The following SNTG1 variants were observed in gnomAD, a reference collection of about 807,000 sequenced individuals.
SNTG1 encodes syntrophin gamma 1, also known as gamma-1-syntrophin.
A neutral mutation model predicts 74.7 loss-of-function variants in SNTG1; 39 were observed. The observed-to-expected ratio is 0.52, with a 90% CI of 0.40 to 0.68. The LOEUF (loss-of-function observed/expected upper bound fraction) is 0.68, where lower values mean the gene tolerates loss of function less well. SNTG1 is among the 30% of genes least tolerant of loss of function. The pLI, the probability that SNTG1 is intolerant of heterozygous loss-of-function variation, is 0.00. For missense variants in SNTG1, 685 were observed against 609.5 expected (o/e 1.12, Z -1.30); for synonymous variants, 254 against 217.1 (o/e 1.17, Z -1.49).
At chr8:50,462,795 T>A (rs1340819524) in intron 8 of SNTG1, among the ~76,000 whole-genome samples, 1 of 22,538 alleles carries the variant, frequency 4.4e-5, no homozygotes, top group East Asian at 2.2e-3. Context: ...CAGGTTCTAC[T>A]CTTTTTTTTT....
chr8:50,493,742 T>C (rs914127114), intron 8 of SNTG1, among the ~76,000 whole-genome samples: 2 of 150,566 alleles, frequency 1.3e-5, no homozygotes, highest in Non-Finnish European at 3.0e-5. Flanking sequence ...TTTATATATA[T>C]AATATTTTTT....
intron 18 of SNTG1, chr8:50,762,476 G>A (rs1184968506): frequency 1.2e-5 from 4 of 342,548 alleles, no homozygotes; most frequent in Non-Finnish European, 2.3e-5. Context: ...AATAAATAAG[G>A]CAGTGGCCAA....
intron 15 of SNTG1, among the ~76,000 whole-genome samples, chr8:50,659,132 T>C (rs1452134999): frequency 6.6e-6 from 1 of 152,190 alleles, no homozygotes; most frequent in Non-Finnish European, 1.5e-5. Context: ...CTTAATCTCA[T>C]GGCTTGACCA....
At chr8:50,305,867 G>A (rs1476042346) in intron 2 of SNTG1, among the ~76,000 whole-genome samples, 1 of 150,334 alleles carries the variant, frequency 6.7e-6, no homozygotes, top group African/African-American at 2.4e-5. Context: ...CACCAACATT[G>A]CCAAAAGTTA....
intron 4 of SNTG1, among the ~76,000 whole-genome samples, chr8:50,402,789 G>T: frequency 6.6e-6 from 1 of 152,146 alleles, no homozygotes; most frequent in East Asian, 1.9e-4. Flanking sequence ...AGCGTGAGTG[G>T]TGTTCCCCTA....
intron 1 of SNTG1, among the ~76,000 whole-genome samples, chr8:50,038,712 T>G (rs1383464135): frequency 1.3e-5 from 2 of 152,284 alleles, no homozygotes; most frequent in East Asian, 1.9e-4. Context: ...AAAATCCTAA[T>G]GACCAAAAGA....
intron 1 of SNTG1, among the ~76,000 whole-genome samples, chr8:49,974,603 C>G (rs1342858206): frequency 6.6e-6 from 1 of 152,090 alleles, no homozygotes; most frequent in Non-Finnish European, 1.5e-5. Flanking sequence ...ATAGTCCTCA[C>G]GTGCCAGATC....
At chr8:50,578,628 G>T (rs1318115040) in intron 12 of SNTG1, among the ~76,000 whole-genome samples, 2 of 152,170 alleles carry the variant, frequency 1.3e-5, no homozygotes, top group Non-Finnish European at 2.9e-5. Flanking sequence ...AATGGGGGTA[G>T]TTACCCTCAT....
intron 4 of SNTG1, among the ~76,000 whole-genome samples, chr8:50,410,418 A>G (rs1004118341): frequency 2.0e-5 from 3 of 152,196 alleles, no homozygotes; most frequent in African/African-American, 7.2e-5. Flanking sequence ...CTTGTATGCC[A>G]ATGTTATCAT....
chr8:50,400,336 T>C (rs557716600), intron 3 of SNTG1, among the ~76,000 whole-genome samples: 2 of 152,232 alleles, frequency 1.3e-5, no homozygotes, highest in East Asian at 1.9e-4. Flanking sequence ...GCAAGTTAAA[T>C]AATTTTATTC....
At chr8:50,094,298 C>G (rs565458461) in intron 1 of SNTG1, among the ~76,000 whole-genome samples, 45 of 152,068 alleles carry the variant, frequency 3.0e-4, no homozygotes, top group Middle Eastern at 3.2e-3. Context: ...GGAAGGCTTA[C>G]TTATTTACAA....
chr8:49,934,780 T>C (rs747963879), intron 1 of SNTG1, among the ~76,000 whole-genome samples: 1 of 152,194 alleles, frequency 6.6e-6, no homozygotes, highest in African/African-American at 2.4e-5. Context: ...AGTAAATAAG[T>C]TGGTTTAAAA....
At chr8:50,600,527 A>G (rs773652733) in intron 13 of SNTG1, among the ~76,000 whole-genome samples, 1 of 152,038 alleles carries the variant, frequency 6.6e-6, no homozygotes, top group Non-Finnish European at 1.5e-5. Flanking sequence ...TAAGTTGTAT[A>G]TGTCTACGAA....
intron 1 of SNTG1, among the ~76,000 whole-genome samples, chr8:50,009,729 G>A (rs1224564671): frequency 6.6e-6 from 1 of 152,154 alleles, no homozygotes; most frequent in Non-Finnish European, 1.5e-5. Flanking sequence ...TGCCTGTGGT[G>A]GCTCACGCCT....
At chr8:50,414,195 G>T (rs948149387) in intron 4 of SNTG1, among the ~76,000 whole-genome samples, 2 of 152,202 alleles carry the variant, frequency 1.3e-5, no homozygotes, top group East Asian at 1.9e-4. Flanking sequence ...TATGAAGATA[G>T]AATTTACAAT....
intron 1 of SNTG1, among the ~76,000 whole-genome samples, chr8:49,939,823 A>G (rs1808518881): frequency 6.6e-6 from 1 of 152,202 alleles, no homozygotes; most frequent in Non-Finnish European, 1.5e-5. Context: ...AGTTCTAACC[A>G]TGGGCTTCTT....
At chr8:50,108,375 G>C (rs903028119) in intron 1 of SNTG1, among the ~76,000 whole-genome samples, 1 of 152,148 alleles carries the variant, frequency 6.6e-6, no homozygotes, top group Non-Finnish European at 1.5e-5. Context: ...CAGGTCAAAG[G>C]TTGATGTTGT....
At chr8:50,410,225 A>G (rs1407663136) in intron 4 of SNTG1, among the ~76,000 whole-genome samples, 1 of 152,184 alleles carries the variant, frequency 6.6e-6, no homozygotes, top group Non-Finnish European at 1.5e-5. Flanking sequence ...TATTATGGAT[A>G]GATTCTTAAT....
At position 50,487,501 on chromosome 8, in the gene SNTG1, T is replaced by C. The variant is rs1174465391; in HGVS notation, c.364-15277T>C. 2.6e-5 allele frequency among the ~76,000 whole-genome samples: 4 copies of C among 152,310 alleles called. No individual in the cohort carries two copies. The East Asian group carries it at 7.7e-4, about 29-fold the overall frequency. On this transcript the variant is annotated intron_variant, in intron 8 of 18. Coordinates refer to ENST00000642720, the MANE Select transcript of SNTG1 (RefSeq NM_018967.5). The stretch of plus-strand genomic sequence containing the variant: ...GGCACATTTACACCATGGAATACTA[T>C]GCAGCCATAAAAAATGATGAGTTCA...
Sources: gnomAD v4.1 joint callset for allele counts (sites outside exome capture counted in the v4.1 genomes callset) on GRCh38, gnomAD v4.1.1 for gene constraint, MANE v1.5 for transcripts, NCBI Gene and HGNC (gene_info 2026-07-23, HGNC 2026-07-21) for gene names.